The following GLI2 variants were observed in gnomAD, a reference collection of about 807,000 sequenced individuals.
The protein encoded by GLI2 is transcription activator GLI2.
Under a neutral mutation model 78.9 loss-of-function variants are expected in GLI2, and 22 were observed. That is an observed-to-expected ratio of 0.28 (90% confidence interval 0.20 to 0.40). GLI2 has a LOEUF of 0.40. Ranked by LOEUF, GLI2 falls within the 10% of genes least tolerant of loss-of-function variation. The pLI is 1.00. For synonymous variants in GLI2, 974 were observed against 963.7 expected (o/e 1.01, Z -0.20); for missense variants, 2,097 against 2,213.2 (o/e 0.95, Z 1.05).
At chr2:120,852,570 G>C (rs1271306027) in intron 2 of GLI2, among the ~76,000 whole-genome samples, 3 of 152,200 alleles carry the variant, frequency 2.0e-5, no homozygotes, top group Non-Finnish European at 2.9e-5. Flanking sequence ...CAGAGGCAGG[G>C]CCGCCTGTAA....
chr2:120,871,524 T>G (rs1199787552), intron 2 of GLI2, among the ~76,000 whole-genome samples: 2 of 152,226 alleles, frequency 1.3e-5, no homozygotes, highest in Non-Finnish European at 2.9e-5. Context: ...TTTGCTTTCC[T>G]CCTGTGCACC....
chr2:120,841,848 G>GGTGTGTGTGT (rs555474895), intron 2 of GLI2, among the ~76,000 whole-genome samples: 4,012 of 132,628 alleles, frequency 0.03, 134 homozygotes, highest in African/African-American at 0.068. Context: ...CAGTCTGGAG[G>GGTGTGTGTGT]GTGTGTGTGT....
intron 1 of GLI2, among the ~76,000 whole-genome samples, chr2:120,744,120 T>G (rs1285301579): frequency 1.3e-5 from 2 of 152,228 alleles, no homozygotes; most frequent in African/African-American, 4.8e-5. Context: ...AAGGAAGGGC[T>G]GACACATAAA....
intron 2 of GLI2, among the ~76,000 whole-genome samples, chr2:120,899,899 G>T (rs969188838): frequency 3.3e-5 from 5 of 152,210 alleles, no homozygotes; most frequent in Non-Finnish European, 7.3e-5. Context: ...CATTGTGACA[G>T]TGAGCTTTGT....
intron 3 of GLI2, among the ~76,000 whole-genome samples, chr2:120,944,423 C>T (rs879341901): frequency 6.6e-6 from 1 of 152,220 alleles, no homozygotes; most frequent in Non-Finnish European, 1.5e-5. Context: ...GCTCAGGGCA[C>T]ATAGCACTGA....
At chr2:120,742,789 T>C (rs756731664) in intron 1 of GLI2, among the ~76,000 whole-genome samples, 16 of 152,190 alleles carry the variant, frequency 1.1e-4, no homozygotes, top group Non-Finnish European at 1.9e-4. Flanking sequence ...ATAAATCAGC[T>C]TCTAATATAT....
chr2:120,939,088 C>A (rs1258970786), intron 3 of GLI2, among the ~76,000 whole-genome samples: 3 of 152,140 alleles, frequency 2.0e-5, no homozygotes, highest in African/African-American at 7.2e-5. Flanking sequence ...TCGAGACCAG[C>A]CTGGCCAACA....
rs762489303 is a variant in GLI2 at position 120,982,899 on chromosome 2, C to T, written c.1632+19C>T. On this transcript the variant is annotated intron_variant, in intron 11 of 13. Transcript: ENST00000361492. ...CAACGAGGTACCTCTGCGGGGCATG[C>T]ACTGGGCATGCACACTGGGGCCCCA... The T allele has an allele frequency of 3.7e-6, 6 of 1,611,758 alleles. No homozygotes were observed. The highest frequency in any genetic ancestry group is 5.1e-6 in the Non-Finnish European group (6 of 1,178,562).
At chr2:120,942,194 C>A (rs936618982) in intron 3 of GLI2, among the ~76,000 whole-genome samples, 1 of 152,178 alleles carries the variant, frequency 6.6e-6, no homozygotes, top group East Asian at 1.9e-4. Context: ...TGCTGTAACA[C>A]GGTACCACGA....
intron 1 of GLI2, among the ~76,000 whole-genome samples, chr2:120,742,292 C>T (rs888281862): frequency 6.6e-6 from 1 of 152,302 alleles, no homozygotes; most frequent in East Asian, 1.9e-4. Context: ...GAAAAAAGAT[C>T]TTTGAATGCC....
chr2:120,919,207 A>G (rs777024944), intron 2 of GLI2, among the ~76,000 whole-genome samples: 8 of 152,214 alleles, frequency 5.3e-5, no homozygotes, highest in Non-Finnish European at 7.3e-5. Context: ...ACTGTGCTGG[A>G]TGTTACTTAA....
At chr2:120,930,319 A>C (rs1264340012) in intron 3 of GLI2, among the ~76,000 whole-genome samples, 1 of 152,210 alleles carries the variant, frequency 6.6e-6, no homozygotes, top group Non-Finnish European at 1.5e-5. Flanking sequence ...TCTTCTCAAC[A>C]ACCCAAAAAA....
At chr2:120,962,066 G>T (rs1054257058) in intron 5 of GLI2, among the ~76,000 whole-genome samples, 1 of 152,180 alleles carries the variant, frequency 6.6e-6, no homozygotes, top group Non-Finnish European at 1.5e-5. Flanking sequence ...CCACCCACAG[G>T]TATAGATGAT....
rs1407896170 is a variant in GLI2, at chr2:120,896,671, C to A, written c.149-30690C>A. On this transcript the variant is annotated intron_variant, in intron 2 of 13. Coordinates refer to ENST00000361492, the MANE Select transcript of GLI2 (RefSeq NM_001374353.1). ...CACACACACACACACATACACCCAC[C>A]CCCCCACACACTCACACACACCCAT... is the stretch of plus-strand genomic sequence containing the variant. Among the ~76,000 whole-genome samples the A allele has an allele frequency of 4.1e-4, 56 of 137,960 alleles. 1 individual carries two copies. Among genetic ancestry groups the A allele is most frequent in the African/African-American group, 1.7e-3 (56 of 33,090 alleles). 90.5% of individuals were successfully genotyped at this position (137,960 alleles called of 152,430 possible).
chr2:120,919,960 T>C (rs1361214915), intron 2 of GLI2, among the ~76,000 whole-genome samples: 1 of 152,260 alleles, frequency 6.6e-6, no homozygotes, highest in Non-Finnish European at 1.5e-5. Flanking sequence ...AACACAGACC[T>C]GTATGGTGCA....
At chr2:120,869,991 T>C (rs1041084657) in intron 2 of GLI2, among the ~76,000 whole-genome samples, 3 of 152,214 alleles carry the variant, frequency 2.0e-5, no homozygotes, top group Non-Finnish European at 4.4e-5. Context: ...TTTGGAAAGT[T>C]TTCCAATTTC....
intron 2 of GLI2, among the ~76,000 whole-genome samples, chr2:120,817,442 G>A (rs1316688352): frequency 2.0e-5 from 3 of 152,108 alleles, no homozygotes; most frequent in Non-Finnish European, 2.9e-5. Context: ...CATTGGCCCC[G>A]CTGATGAGCT....
Position 120,973,437 on chromosome 2 carries a change from T to G in GLI2, c.1182+1374T>G, listed in dbSNP as rs770968606. On this transcript the variant is annotated intron_variant, in intron 8 of 13. Coordinates refer to ENST00000361492, the MANE Select transcript of GLI2 (RefSeq NM_001374353.1). Reference sequence around the variant, plus strand: ...TACAGGGCCTCCTGCCTGCCCAGCCTGGCTCTGCGCACGTGTCAGTGCAAG... The same window carrying G: ...TACAGGGCCTCCTGCCTGCCCAGCCGGGCTCTGCGCACGTGTCAGTGCAAG... 2.5e-4 allele frequency among the ~76,000 whole-genome samples: 38 copies of G among 152,360 alleles called. 1 individual carries two copies. The highest frequency in any genetic ancestry group is 6.8e-3 in the Middle Eastern group (2 of 294).
intron 2 of GLI2, among the ~76,000 whole-genome samples, chr2:120,870,116 C>T (rs1321002999): frequency 2.0e-5 from 3 of 152,182 alleles, no homozygotes; most frequent in African/African-American, 7.2e-5. Context: ...AGGTCTCACC[C>T]GTGCTCCCTC....
Sources: allele counts gnomAD v4.1 joint callset (sites outside exome capture counted in the v4.1 genomes callset), GRCh38; gene constraint gnomAD v4.1.1; transcripts MANE v1.5; gene names NCBI Gene and HGNC (gene_info 2026-07-23, HGNC 2026-07-21).